The following KRT6A variants were observed in gnomAD, a reference collection of about 807,000 sequenced individuals.
KRT6A encodes keratin, type II cytoskeletal 6A.
A neutral mutation model predicts 48.6 loss-of-function variants in KRT6A; 28 were observed. The ratio of observed to expected loss-of-function variants is 0.58; its 90% CI spans 0.43 to 0.79. The LOEUF is 0.79. Among genes scored for constraint, KRT6A ranks in the 30% least tolerant of loss-of-function variants. The pLI is 0.00. For missense variants in KRT6A, 687 were observed against 724.3 expected (o/e 0.95, Z 0.59); for synonymous variants, 301 against 294.2 (o/e 1.02, Z -0.24).
chr12:52,492,771 C>A lies in KRT6A; in HGVS notation c.418G>T (p.Val140Phe). The A allele has an allele frequency of 6.2e-7, 1 of 1,613,834 alleles. No individual in the cohort carries two copies. The highest frequency in any genetic ancestry group is 8.5e-7 in the Non-Finnish European group (1 of 1,179,920). Residue 140 changes from valine (V) to phenylalanine (F), a missense_variant, in exon 1 of 9, where the codon GTC (valine) becomes TTC (phenylalanine). Val to Phe is a conservative substitution (Grantham distance 50, BLOSUM62 -1). Around this residue, in one of 3 missense-constraint regions of KRT6A, gnomAD observed 566 missense variants for 565.3 expected, o/e 1.00. Transcript: ENST00000330722. ...AGGGGAGTCAGGAGACTCTGGTTGACGGTGACCTCTTGGATGCCTCCAGGG... is the reference window on the plus strand; with the variant it reads ...AGGGGAGTCAGGAGACTCTGGTTGAAGGTGACCTCTTGGATGCCTCCAGGG... ...CPPGGIQEVT[V>F]NQSLLTPLNL...
intron 5 of KRT6A, 192 bp from the exon 6 acceptor site, chr12:52,490,260 C>T (rs12581120): frequency 0.027 from 30,442 of 1,124,556 alleles, 2,302 homozygotes; most frequent in African/African-American, 0.24. Flanking sequence ...ATTATGGCAC[C>T]ACTGCCTGCC....
In KRT6A at chr12:52,487,529, A is replaced by T. The variant is rs1040590357; in HGVS notation, c.*191T>A. The T allele has an allele frequency of 4.6e-6, 3 of 655,792 alleles. No individual in the cohort carries two copies. In the Admixed American group the frequency reaches 8.6e-5, roughly 19 times the overall value. The allele number at this position is 655,792 out of a possible 1,614,324, so 40.6% of individuals were successfully genotyped here. On this transcript the variant is annotated 3_prime_UTR_variant, in exon 9 of 9. Coordinates refer to ENST00000330722, the MANE Select transcript of KRT6A (RefSeq NM_005554.4). ...TGATGTAAAATCAGAGGTTGATCTG[A>T]TGGTGAGCAATGGGTGCTCAGATGG...
Position 52,493,229 on chromosome 12 carries a change from T to A in KRT6A, c.-41A>T. On this transcript the variant is annotated 5_prime_UTR_variant, in exon 1 of 9. Transcript: ENST00000330722. The stretch of plus-strand genomic sequence containing the variant: ...GAGAGCTGAGGAGAGTGTGAGAGGC[T>A]GGAGGAGAGAGGGAAGAGAAGCAGG... 2 of 1,613,632 alleles carry A rather than the reference T, an allele frequency of 1.2e-6. No homozygotes were observed. The highest frequency in any genetic ancestry group is 1.7e-4 in the Middle Eastern group (1 of 6,042).
chr12:52,491,772 G>A (rs1325038566), intron 1 of KRT6A, 36 bp from the exon 2 acceptor site: 3 of 1,613,618 alleles, frequency 1.9e-6, no homozygotes, highest in Non-Finnish European at 2.5e-6. Flanking sequence ...TTCCAGGCAA[G>A]GGAAGGAAGA....
chr12:52,488,631 G>GC, intron 6 of KRT6A, 83 bp from the exon 7 acceptor site: 2 of 1,342,434 alleles, frequency 1.5e-6, no homozygotes, highest in Non-Finnish European at 2.1e-6. Flanking sequence ...CCTAGTGAAG[G>GC]GGCCAGGAGC....
chr12:52,487,753 G>C lies in KRT6A; in HGVS notation c.1662C>G (p.Thr554=), dbSNP rs750501003. The C allele has an allele frequency of 3.0e-5, 48 of 1,614,020 alleles. No individual in the cohort carries two copies. In the East Asian group the frequency reaches 9.6e-4, roughly 32 times the overall value. Residue 554 remains threonine (T), a synonymous_variant, in exon 9 of 9, where the codon ACC becomes ACG. Coordinates refer to ENST00000330722, the MANE Select transcript of KRT6A (RefSeq NM_005554.4). ...TATAGCTCTTCCTGCTGGAGGAGGAGGTGGTGGTGTACTTGATGGTGGAAC... is the reference window on the plus strand; with the variant it reads ...TATAGCTCTTCCTGCTGGAGGAGGACGTGGTGGTGTACTTGATGGTGGAAC... ...GGSSTIKYTT[T]SSSSRKSYKH is the part of the protein sequence containing the mutation.
intron 6 of KRT6A, among the ~76,000 whole-genome samples, chr12:52,489,038 C>G (rs1380532065): frequency 2.6e-5 from 4 of 152,206 alleles, no homozygotes; most frequent in African/African-American, 9.6e-5. Flanking sequence ...TCTACTCTCT[C>G]TTTCACCTTG....
At chr12:52,488,986 C>T (rs780447970) in intron 6 of KRT6A, among the ~76,000 whole-genome samples, 47 of 152,334 alleles carry the variant, frequency 3.1e-4, no homozygotes, top group African/African-American at 9.6e-4. Flanking sequence ...CTTCCTCCCC[C>T]TCAGAATCTC....
rs1406917541 is a variant in KRT6A at position 52,493,122 on chromosome 12, C to T, written c.67G>A (p.Ala23Thr). Residue 23 changes from alanine to threonine, a missense_variant, in exon 1 of 9, where the codon GCC (alanine) becomes ACC (threonine). Physicochemically the swap from Ala to Thr is moderately conservative, Grantham distance 58 (BLOSUM62 0). Around this residue, in one of 3 missense-constraint regions of KRT6A, gnomAD observed 72 missense variants for 61.8 expected, o/e 1.17. Transcript: ENST00000330722. ...SSRRGFSANSARLPGVSRSGF... is the reference protein window; with the variant it reads ...SSRRGFSANSTRLPGVSRSGF... ...GAGCGGCTGACCCCAGGGAGCCTGG[C>T]TGAGTTGGCACTGAAACCCCGGCGG... 1.9e-6 allele frequency: 3 copies of T among 1,614,084 alleles called. No individual in the cohort carries two copies. The highest frequency in any genetic ancestry group is 1.3e-5 in the African/African-American group (1 of 75,054).
In KRT6A at chr12:52,490,736, G is replaced by A. The variant is rs1337023631; in HGVS notation, c.913-3C>T. On this transcript the variant is annotated splice_polypyrimidine_tract_variant and splice_region_variant and intron_variant, in intron 4 of 8. Transcript: ENST00000330722. ...TGGGTCTGCATCTGGGACAGCTCCTGCAGAACAGAAGGTCATAAGATCAAC... is the reference window on the plus strand; with the variant it reads ...TGGGTCTGCATCTGGGACAGCTCCTACAGAACAGAAGGTCATAAGATCAAC... 3 of 1,614,224 alleles carry A rather than the reference G, an allele frequency of 1.9e-6. No individual in the cohort carries two copies. The highest frequency in any genetic ancestry group is 2.5e-6 in the Non-Finnish European group (3 of 1,180,038).
At position 52,492,679 on chromosome 12, in the gene KRT6A, G is replaced by A. The variant is rs1338685696; in HGVS notation, c.510C>T (p.Leu170=). Residue 170 remains leucine (L), a synonymous_variant, in exon 1 of 9, where the codon CTC becomes CTT. Transcript: ENST00000330722. The stretch of plus-strand genomic sequence containing the variant: ...CGATGAAGGAGGCAAACTTGTTGTT[G>A]AGGGTCTTGATCTGTTCACGCTCCT... ...RAEEREQIKT[L]NNKFASFIDK... 2 of 1,614,046 alleles carry A rather than the reference G, an allele frequency of 1.2e-6. No individual in the cohort carries two copies. Among genetic ancestry groups the A allele is most frequent in the South Asian group, 1.1e-5 (1 of 91,056 alleles).
intron 6 of KRT6A, 53 bp downstream of exon 6, chr12:52,489,890 G>T: frequency 6.2e-7 from 1 of 1,613,882 alleles, no homozygotes. Context: ...GTTGATGGCT[G>T]CCTGACGACC....
chr12:52,490,325 A>T (rs1329510106), intron 5 of KRT6A: 1 of 917,392 alleles, frequency 1.1e-6, no homozygotes, highest in Non-Finnish European at 1.6e-6. Flanking sequence ...GCCAGCAATC[A>T]GGGTGAAGCT....
At chr12:52,489,784 A>G (rs1214855599) in intron 6 of KRT6A, 159 bp downstream of exon 6, 24 of 1,185,608 alleles carry the variant, frequency 2.0e-5, no homozygotes, top group Non-Finnish European at 2.8e-5. Context: ...GGTAGGATCT[A>G]TGTCTCCTAA....
Position 52,487,916 on chromosome 12 carries a change from G to C in KRT6A, c.1499C>G (p.Ala500Gly), listed in dbSNP as rs780904452. The change falls in exon 9 of 9, where the codon GCC (alanine) becomes GGC (glycine). Residue 500 changes from alanine (A) to glycine (G), a missense_variant. Physicochemically the swap from Ala to Gly is moderately conservative, Grantham distance 60 (BLOSUM62 0). This residue lies in a region of KRT6A where 566 missense variants were observed against 565.3 expected (regional missense o/e 1.00). Transcript: ENST00000330722. ...GCCTAAGCCACTGCCGACACCACTG[G>C]CACCGCCATAGCCACTGGAGACGGT... ...QSTVSSGYGG[A>G]SGVGSGLGLG... is the part of the protein sequence containing the mutation. 1.2e-6 allele frequency: 2 copies of C among 1,614,080 alleles called. No individual in the cohort carries two copies. Among genetic ancestry groups the C allele is most frequent in the East Asian group, 4.5e-5 (2 of 44,874 alleles).
chr12:52,489,814 G>T (rs139221957), intron 6 of KRT6A, 129 bp downstream of exon 6: 58 of 1,480,440 alleles, frequency 3.9e-5, no homozygotes, highest in African/African-American at 3.3e-4. Flanking sequence ...ACCCACTAAG[G>T]GTAGGAAATG....
In KRT6A at chr12:52,487,793, G is replaced by C. The variant is rs776745356; in HGVS notation, c.1622C>G (p.Ser541Cys). ...GATGGTGGAACTGCCGCCTCCAACA[G>C]AGCTGAGGCCACCCCCAATGGCTCT... is the stretch of plus-strand genomic sequence containing the variant. ...SGRAIGGGLS[S>C]VGGGSSTIKY... The change falls in exon 9 of 9, where the codon TCT becomes TGT. Residue 541 changes from serine to cysteine, a missense_variant. Physicochemically the swap from Ser to Cys is moderately radical, Grantham distance 112 (BLOSUM62 -1). This residue lies in a region of KRT6A where 566 missense variants were observed against 565.3 expected (regional missense o/e 1.00). Coordinates refer to ENST00000330722, the MANE Select transcript of KRT6A (RefSeq NM_005554.4). 3 of 1,613,974 alleles carry C rather than the reference G, an allele frequency of 1.9e-6. No homozygotes were observed. The highest frequency in any genetic ancestry group is 2.5e-6 in the Non-Finnish European group (3 of 1,179,978).
chr12:52,490,837 A>T (rs1206060873), intron 4 of KRT6A, 21 bp downstream of exon 4: 1 of 1,614,062 alleles, frequency 6.2e-7, no homozygotes, highest in African/African-American at 1.3e-5. Context: ...GAGTAAACAG[A>T]AGGATGGTGG....
intron 1 of KRT6A, 33 bp from the exon 2 acceptor site, chr12:52,491,769 C>G (rs754463417): frequency 6.2e-7 from 1 of 1,613,738 alleles, no homozygotes; most frequent in Non-Finnish European, 8.5e-7. Context: ...ATTTTCCAGG[C>G]AAGGGAAGGA....
Sources: allele counts gnomAD v4.1 joint callset (sites outside exome capture counted in the v4.1 genomes callset), GRCh38; gene constraint gnomAD v4.1.1; regional missense constraint gnomAD v4.1.1; transcripts MANE v1.5; gene names NCBI Gene and HGNC (gene_info 2026-07-23, HGNC 2026-07-21).